USP25: variants seen among roughly 807,000 people sequenced by gnomAD.
The protein encoded by USP25 is ubiquitin carboxyl-terminal hydrolase 25.
A neutral mutation model predicts 158.5 loss-of-function variants in USP25; 85 were observed. The ratio of observed to expected loss-of-function variants is 0.54; its 90% confidence interval spans 0.45 to 0.64. USP25 has a LOEUF of 0.64. Ranked by LOEUF, USP25 falls within the 30% of genes least tolerant of loss-of-function variation. The pLI is 0.00. For missense variants in USP25, 1,242 were observed against 1,327.3 expected, an observed-to-expected ratio of 0.94 and a Z score of 1.00; for synonymous variants, 464 against 460.4, an observed-to-expected ratio of 1.01 and a Z score of -0.10.
intron 3 of USP25, among the ~76,000 whole-genome samples, chr21:15,770,622 T>C (rs1480767261): frequency 6.6e-6 from 1 of 152,192 alleles, no homozygotes. Context: ...AAAACAGAAC[T>C]AGACCATTTA....
chr21:15,859,991 A>ATATATATATATATATATATAT (rs1315516466), intron 20 of USP25, among the ~76,000 whole-genome samples: 6 of 131,108 alleles, frequency 4.6e-5, no homozygotes, highest in Admixed American at 1.5e-4. Flanking sequence ...ATATATCTAT[A>ATATATATATATATATATATAT]TTTTTTTTTT....
At chr21:15,791,250 A>G (rs999439552) in intron 4 of USP25, among the ~76,000 whole-genome samples, 7 of 151,880 alleles carry the variant, frequency 4.6e-5, no homozygotes, top group Admixed American at 4.6e-4. Flanking sequence ...AATGTGATTT[A>G]TTGTACTTTC....
chr21:15,828,390 G>GA (rs1440631897), intron 14 of USP25, among the ~76,000 whole-genome samples: 1 of 152,164 alleles, frequency 6.6e-6, no homozygotes, highest in Non-Finnish European at 1.5e-5. Context: ...GGAAGCTTTT[G>GA]ACACCTAAGT....
chr21:15,766,292 A>T lies in USP25; in HGVS notation c.268+151A>T, dbSNP rs1352057661. The T allele has an allele frequency of 1.7e-6, 1 of 576,410 alleles. No homozygotes were observed. Among genetic ancestry groups the T allele is most frequent in the Non-Finnish European group, 2.7e-6 (1 of 374,566 alleles). The allele number at this position is 576,410 out of a possible 1,614,324, so 35.7% of individuals were successfully genotyped here. On this transcript the variant is annotated intron_variant, in intron 3 of 25. Coordinates refer to ENST00000400183, the MANE Select transcript of USP25 (RefSeq NM_001283041.3). The surrounding 1 kb of genome is among the most constrained non-coding windows in gnomAD (Gnocchi z 4.0). ...TTTTTAATGTAGTTGAAAGGAACAT[A>T]CATTATCTTTTTCAGATTATAAGGA...
chr21:15,799,779 T>C lies in USP25; in HGVS notation c.578T>C (p.Phe193Ser). 1 of 1,598,100 alleles carries C rather than the reference T, an allele frequency of 6.3e-7. No individual in the cohort carries two copies. Among genetic ancestry groups the C allele is most frequent in the East Asian group, 2.2e-5 (1 of 44,572 alleles). ...VIQSLFNLLE[F>S]RRLVLNYKPP... ...CAGTCATTATTTAATCTTTTGGAAT[T>C]TAGAAGATTAGTTCTGAATTACAAG... The change falls in exon 6 of 26, where the codon TTT becomes TCT. Residue 193 changes from phenylalanine (F) to serine (S), a missense_variant. Phe to Ser is a radical substitution (Grantham distance 155, BLOSUM62 -2). Coordinates refer to ENST00000400183, the MANE Select transcript of USP25 (RefSeq NM_001283041.3).
intron 19 of USP25, among the ~76,000 whole-genome samples, chr21:15,848,620 G>C (rs746055721): frequency 1.3e-5 from 2 of 152,030 alleles, no homozygotes; most frequent in Non-Finnish European, 2.9e-5. Context: ...TTGCATTTAT[G>C]TTAAGTTTTT....
Position 15,791,498 on chromosome 21 carries a change from T to TAA in USP25, c.393-3_393-2dup. On this transcript the variant is annotated splice_polypyrimidine_tract_variant and splice_region_variant and intron_variant, in intron 4 of 25. Coordinates refer to ENST00000400183, the MANE Select transcript of USP25 (RefSeq NM_001283041.3). Reference sequence around the variant, plus strand: ...TGCTGCATTTTTTTCCACCATTGATTAAGAGTTCTTGAAGCCAGCATAGCA... The same window carrying TAA: ...TGCTGCATTTTTTTCCACCATTGATTAAAAGAGTTCTTGAAGCCAGCATAGCA... 15 of 1,596,990 alleles carry TAA rather than the reference T, an allele frequency of 9.4e-6. No homozygotes were observed. Among genetic ancestry groups the TAA allele is most frequent in the Non-Finnish European group, 1.3e-5 (15 of 1,172,200 alleles).
intron 4 of USP25, among the ~76,000 whole-genome samples, chr21:15,779,522 AC>A (rs2123511979): frequency 6.6e-6 from 1 of 151,924 alleles, no homozygotes; most frequent in Admixed American, 6.5e-5. Flanking sequence ...GAGCTTATAT[AC>A]CCAATTAGTA....
In USP25 at chr21:15,864,374, A is replaced by C. The variant is rs772918279; in HGVS notation, c.2654A>C (p.Gln885Pro). ...HHVVVYFIQNQAPKKIIEKTL... is the reference protein window; with the variant it reads ...HHVVVYFIQNPAPKKIIEKTL... ...GTAGTGGTCTACTTTATCCAGAACC[A>C]GGCACCAAAGAAAATTATTGAGAAA... is the stretch of plus-strand genomic sequence containing the variant. The change falls in exon 21 of 26, where the codon CAG (glutamine) becomes CCG (proline). Residue 885 changes from glutamine to proline, a missense_variant. Physicochemically the swap from Gln to Pro is moderately conservative, Grantham distance 76. Around this residue, in one of 3 missense-constraint regions of USP25, gnomAD observed 608 missense variants for 605.2 expected, o/e 1.00. Transcript: ENST00000400183. 1.2e-6 allele frequency: 2 copies of C among 1,613,006 alleles called. No homozygotes were observed. Among genetic ancestry groups the C allele is most frequent in the Non-Finnish European group, 1.7e-6 (2 of 1,179,714 alleles).
intron 20 of USP25, 98 bp from the exon 21 acceptor site, chr21:15,864,170 A>G: frequency 7.6e-7 from 1 of 1,312,094 alleles, no homozygotes; most frequent in Non-Finnish European, 1.0e-6. Context: ...AAAAAAAAAA[A>G]AAGATTTAAA....
intron 1 of USP25, among the ~76,000 whole-genome samples, chr21:15,734,250 A>C (rs890541121): frequency 1.3e-4 from 20 of 152,230 alleles, no homozygotes; most frequent in Non-Finnish European, 2.4e-4. Context: ...AAAACTTGAA[A>C]AACAATGCAG....
intron 19 of USP25, among the ~76,000 whole-genome samples, chr21:15,848,685 A>C (rs1366479050): frequency 1.3e-5 from 2 of 152,160 alleles, no homozygotes; most frequent in Non-Finnish European, 2.9e-5. Flanking sequence ...GCTAGAGTTA[A>C]TCACCAAAGT....
At chr21:15,833,695 TAAC>T in intron 17 of USP25, 147 bp downstream of exon 17, 1 of 753,992 alleles carries the variant, frequency 1.3e-6, no homozygotes, top group Non-Finnish European at 2.1e-6. Context: ...TTATCACAGT[TAAC>T]AATTTAGTTT....
At chr21:15,815,460 A>T (rs2036889535) in intron 9 of USP25, among the ~76,000 whole-genome samples, 1 of 152,132 alleles carries the variant, frequency 6.6e-6, no homozygotes, top group Admixed American at 6.5e-5. Context: ...GCAGACACTC[A>T]ACACCAACCC....
intron 5 of USP25, among the ~76,000 whole-genome samples, chr21:15,793,662 A>G (rs2035713592): frequency 6.6e-6 from 1 of 151,514 alleles, no homozygotes; most frequent in African/African-American, 2.4e-5. Flanking sequence ...GAAGTAACCT[A>G]TAAGCTTAAA....
intron 21 of USP25, among the ~76,000 whole-genome samples, chr21:15,865,754 C>T (rs1235605947): frequency 6.6e-6 from 1 of 152,078 alleles, no homozygotes; most frequent in Non-Finnish European, 1.5e-5. Flanking sequence ...CTGACTTGTG[C>T]TTGAAAGACA....
rs1408486755 is a variant in USP25, at chr21:15,766,294, A to G, written c.268+153A>G. 1.3e-5 allele frequency among the ~76,000 whole-genome samples: 2 copies of G among 152,044 alleles called. No homozygotes were observed. Among genetic ancestry groups the G allele is most frequent in the African/African-American group, 2.4e-5 (1 of 41,438 alleles). On this transcript the variant is annotated intron_variant, in intron 3 of 25. Transcript: ENST00000400183. The surrounding 1 kb of genome is among the most constrained non-coding windows in gnomAD (Gnocchi z 4.0). The stretch of plus-strand genomic sequence containing the variant: ...TTTAATGTAGTTGAAAGGAACATAC[A>G]TTATCTTTTTCAGATTATAAGGAAA...
chr21:15,878,562 T>C lies in USP25; in HGVS notation c.*87T>C, dbSNP rs1051331444. On this transcript the variant is annotated 3_prime_UTR_variant, in exon 26 of 26. Coordinates refer to ENST00000400183, the MANE Select transcript of USP25 (RefSeq NM_001283041.3). ...TGTCACAGGGTTTGCTTGTTGCTGCTATAGTTTTTAACTTTTTTTTATTTT... is the reference window on the plus strand; with the variant it reads ...TGTCACAGGGTTTGCTTGTTGCTGCCATAGTTTTTAACTTTTTTTTATTTT... 4 of 1,408,744 alleles carry C rather than the reference T, an allele frequency of 2.8e-6. No homozygotes were observed. Among genetic ancestry groups the C allele is most frequent in the Admixed American group, 5.3e-5 (2 of 37,696 alleles). The allele number at this position is 1,408,744 out of a possible 1,614,324, so 87.3% of individuals were successfully genotyped here.
chr21:15,772,646 ATG>A lies in USP25; in HGVS notation c.269-5255_269-5254del, dbSNP rs1459607878. Among the ~76,000 whole-genome samples the A allele has an allele frequency of 5.9e-5, 9 of 152,354 alleles. No individual in the cohort carries two copies. In the East Asian group the frequency reaches 1.7e-3, roughly 29 times the overall value. ...AAGTTATTCTGTTTCTTTTGTAAGC[ATG>A]TGAGAATATCTGAGCGCTAGTTTTT... On this transcript the variant is annotated intron_variant, in intron 3 of 25. Coordinates refer to ENST00000400183, the MANE Select transcript of USP25 (RefSeq NM_001283041.3).
Sources: gnomAD v4.1 joint callset for allele counts (sites outside exome capture counted in the v4.1 genomes callset) on GRCh38, gnomAD v4.1.1 for gene constraint, gnomAD v4.1.1 regional missense constraint, Gnocchi (gnomAD v3.1) non-coding constraint, MANE v1.5 for transcripts, NCBI Gene and HGNC (gene_info 2026-07-23, HGNC 2026-07-21) for gene names.